The following SUPT3H variants were observed in gnomAD, a reference collection of about 807,000 sequenced individuals.
The protein encoded by SUPT3H is SPT3 homolog, SAGA and STAGA complex component, also known as transcription initiation protein SPT3 homolog.
In SUPT3H, 44 loss-of-function variants were observed where a neutral mutation model predicts 44.3. That is an observed-to-expected ratio of 0.99 (90% CI 0.78 to 1.28). The LOEUF (loss-of-function observed/expected upper bound fraction) is 1.28, where lower values mean the gene tolerates loss of function less well. SUPT3H is among the 50% of genes most tolerant of loss of function. The pLI is 0.00. For synonymous variants in SUPT3H, 124 were observed against 125.6 expected, an observed-to-expected ratio of 0.99 and a Z score of 0.09; for missense variants, 380 against 387.1, an observed-to-expected ratio of 0.98 and a Z score of 0.15.
intron 2 of SUPT3H, among the ~76,000 whole-genome samples, chr6:45,137,807 C>A (rs919108455): frequency 1.3e-5 from 2 of 151,986 alleles, no homozygotes; most frequent in Admixed American, 1.3e-4. Flanking sequence ...ATATTACATG[C>A]AAATATACTA....
intron 2 of SUPT3H, among the ~76,000 whole-genome samples, chr6:45,174,865 T>C (rs1811430254): frequency 6.6e-6 from 1 of 151,838 alleles, no homozygotes; most frequent in African/African-American, 2.4e-5. Flanking sequence ...AATTTCTCCT[T>C]ACACATGATT....
At chr6:45,176,426 G>A (rs1380525023) in intron 2 of SUPT3H, among the ~76,000 whole-genome samples, 5 of 152,088 alleles carry the variant, frequency 3.3e-5, no homozygotes, top group Admixed American at 3.3e-4. Flanking sequence ...AGGGTCCTAC[G>A]CCCACGGAGT....
At chr6:45,307,779 G>C (rs1783297310) in intron 2 of SUPT3H, among the ~76,000 whole-genome samples, 1 of 152,240 alleles carries the variant, frequency 6.6e-6, no homozygotes, top group South Asian at 2.1e-4. Context: ...GAATGACTTT[G>C]ACGAGTTGAG....
chr6:45,152,438 G>A lies in SUPT3H; in HGVS notation c.102-46432C>T, dbSNP rs73738615. Among the ~76,000 whole-genome samples, 595 of 152,192 alleles carry A rather than the reference G, an allele frequency of 3.9e-3. 7 individuals carry two copies. The highest frequency in any genetic ancestry group is 0.014 in the African/African-American group (568 of 41,526). ...CTAGTAGACGTCTATCTGGTTGTCT[G>A]CTTTCACCTCTGTCCCACCTGATGT... On this transcript the variant is annotated intron_variant, in intron 2 of 10. Coordinates refer to ENST00000371459, the MANE Select transcript of SUPT3H (RefSeq NM_003599.4).
At chr6:45,041,878 G>T (rs998556637) in intron 3 of SUPT3H, among the ~76,000 whole-genome samples, 1 of 152,050 alleles carries the variant, frequency 6.6e-6, no homozygotes, top group Non-Finnish European at 1.5e-5. Flanking sequence ...CCTTCTTAGG[G>T]TTATGAGATG....
At chr6:45,199,353 C>G (rs1762112708) in intron 2 of SUPT3H, among the ~76,000 whole-genome samples, 1 of 151,130 alleles carries the variant, frequency 6.6e-6, no homozygotes, top group Admixed American at 6.6e-5. Context: ...GAGACCTGCT[C>G]TGGTCATCTG....
intron 10 of SUPT3H, among the ~76,000 whole-genome samples, chr6:44,872,548 C>G (rs560017600): frequency 6.6e-6 from 1 of 152,256 alleles, no homozygotes; most frequent in South Asian, 2.1e-4. Flanking sequence ...AAAATCATGA[C>G]AAAATGTAAA....
chr6:45,272,940 GT>G (rs1280631513), intron 2 of SUPT3H, among the ~76,000 whole-genome samples: 3 of 152,160 alleles, frequency 2.0e-5, no homozygotes, highest in African/African-American at 7.2e-5. Context: ...GGTAGCCATG[GT>G]TTTTATTGTT....
chr6:45,333,571 G>A (rs1029394943), intron 2 of SUPT3H, among the ~76,000 whole-genome samples: 5 of 151,360 alleles, frequency 3.3e-5, no homozygotes, highest in Admixed American at 3.3e-4. Flanking sequence ...TGAATAGAAA[G>A]AAGCCTAACT....
intron 5 of SUPT3H, among the ~76,000 whole-genome samples, chr6:45,007,061 G>A (rs922576181): frequency 5.9e-5 from 9 of 152,104 alleles, no homozygotes; most frequent in Non-Finnish European, 8.8e-5. Context: ...TCTTATCTTG[G>A]TTGGGTATAA....
At chr6:45,054,763 T>A (rs957348182) in intron 3 of SUPT3H, among the ~76,000 whole-genome samples, 2 of 152,084 alleles carry the variant, frequency 1.3e-5, no homozygotes, top group African/African-American at 4.8e-5. Flanking sequence ...TACTTATCAA[T>A]TGTAGACCAC....
chr6:45,009,103 G>C (rs1283878535), intron 5 of SUPT3H, among the ~76,000 whole-genome samples: 1 of 151,978 alleles, frequency 6.6e-6, no homozygotes, highest in African/African-American at 2.4e-5. Context: ...CAGACCCTTT[G>C]CCCATTTTTA....
At chr6:44,928,882 C>CAAAATAAAAAAAATAAAAA (rs1491206167) in intron 10 of SUPT3H, among the ~76,000 whole-genome samples, 1 of 20,648 alleles carries the variant, frequency 4.8e-5, no homozygotes, top group African/African-American at 3.2e-4. Context: ...GACTCCGTCT[C>CAAAATAAAAAAAATAAAAA]AAAAAAAAAA....
At chr6:45,347,235 T>G (rs1265945048) in intron 2 of SUPT3H, among the ~76,000 whole-genome samples, 1 of 152,200 alleles carries the variant, frequency 6.6e-6, no homozygotes, top group Non-Finnish European at 1.5e-5. Flanking sequence ...AATTAAGAGA[T>G]ATAGTAAATT....
intron 2 of SUPT3H, among the ~76,000 whole-genome samples, chr6:45,352,350 GA>G (rs1792245461): frequency 6.6e-6 from 1 of 151,980 alleles, no homozygotes; most frequent in African/African-American, 2.4e-5. Flanking sequence ...TTTCAGAAAA[GA>G]AAGTGTATCA....
chr6:45,155,678 T>A (rs1322536976), intron 2 of SUPT3H, among the ~76,000 whole-genome samples: 1 of 151,982 alleles, frequency 6.6e-6, no homozygotes, highest in Non-Finnish European at 1.5e-5. Context: ...GATGGGGAGT[T>A]AGGAACAAAA....
chr6:45,029,289 C>T (rs1266425500), intron 3 of SUPT3H, among the ~76,000 whole-genome samples: 1 of 150,836 alleles, frequency 6.6e-6, no homozygotes, highest in African/African-American at 2.4e-5. Flanking sequence ...GATCTCATGG[C>T]TCAAAAAATT....
chr6:45,345,498 A>C (rs897696312), intron 2 of SUPT3H, among the ~76,000 whole-genome samples: 6 of 152,162 alleles, frequency 3.9e-5, no homozygotes, highest in African/African-American at 1.4e-4. Flanking sequence ...CCAACGCTCA[A>C]ACCTGCAGCT....
At chr6:44,954,652 G>T in intron 7 of SUPT3H, 45 bp from the exon 8 acceptor site, 1 of 1,197,318 alleles carries the variant, frequency 8.4e-7, no homozygotes, top group Non-Finnish European at 1.2e-6. Context: ...AATTTTTAAA[G>T]TGTTTTAATA....
Sources: allele counts gnomAD v4.1 joint callset (sites outside exome capture counted in the v4.1 genomes callset), GRCh38; gene constraint gnomAD v4.1.1; transcripts MANE v1.5; gene names NCBI Gene and HGNC (gene_info 2026-07-23, HGNC 2026-07-21).